Variants in SART3 observed in about 807,000 individuals in gnomAD.
The protein encoded by SART3 is HIV-1 Tat-interacting protein of 110kDa.
Under a neutral mutation model 122.3 loss-of-function variants are expected in SART3, and 44 were observed. The ratio of observed to expected loss-of-function variants is 0.36; its 90% confidence interval spans 0.28 to 0.46. The LOEUF is 0.46. SART3 is among the 20% of genes least tolerant of loss of function. The probability of loss-of-function intolerance (pLI) is 1.00; values close to 1 mark genes in which losing one functional copy is unlikely to be tolerated. For synonymous variants in SART3, 442 were observed against 454.0 expected, an observed-to-expected ratio of 0.97 and a Z score of 0.34; for missense variants, 1,101 against 1,229.0, an observed-to-expected ratio of 0.90 and a Z score of 1.56.
In SART3 at chr12:108,531,284, G is replaced by C. The variant is rs761518315; in HGVS notation, c.1670-4C>G. On this transcript the variant is annotated splice_region_variant and splice_polypyrimidine_tract_variant and intron_variant, in intron 13 of 18. Coordinates refer to ENST00000546815, the MANE Select transcript of SART3 (RefSeq NM_014706.4). ...ATATCCCAATCTTCTAAAGAACCTT[G>C]AAAGAAAGAGAAGCAAAACTTTCAC... The C allele has an allele frequency of 4.3e-6, 7 of 1,611,668 alleles. No homozygotes were observed. In the South Asian group the frequency reaches 4.4e-5, roughly 10 times the overall value.
chr12:108,536,216 C>T (rs1194984860), intron 11 of SART3, among the ~76,000 whole-genome samples: 2 of 152,250 alleles, frequency 1.3e-5, no homozygotes, highest in Non-Finnish European at 2.9e-5. Context: ...ACTGTGCTCT[C>T]ACAAATGAAG....
intron 7 of SART3, 60 bp from the exon 8 acceptor site, chr12:108,538,263 A>G: frequency 6.3e-7 from 1 of 1,587,190 alleles, no homozygotes; most frequent in Admixed American, 1.7e-5. Flanking sequence ...ACCATCAACA[A>G]GACATTGCCA....
chr12:108,558,557 C>A (rs1283263406), intron 1 of SART3, among the ~76,000 whole-genome samples: 1 of 152,206 alleles, frequency 6.6e-6, no homozygotes, highest in Non-Finnish European at 1.5e-5. Context: ...TCACCAAGGA[C>A]TTAACCTCTC....
intron 12 of SART3, among the ~76,000 whole-genome samples, chr12:108,534,646 G>T (rs1872827947): frequency 6.6e-6 from 1 of 152,186 alleles, no homozygotes; most frequent in Non-Finnish European, 1.5e-5. Flanking sequence ...CTGCACTTCA[G>T]CCTGGGCAAC....
chr12:108,536,974 C>A (rs2136674767), intron 9 of SART3, 189 bp from the exon 10 acceptor site: 2 of 622,430 alleles, frequency 3.2e-6, no homozygotes, highest in East Asian at 5.8e-5. Flanking sequence ...CAGAATAGAG[C>A]ATGGACAGCG....
chr12:108,535,228 T>C, intron 12 of SART3, 131 bp downstream of exon 12: 1 of 766,598 alleles, frequency 1.3e-6, no homozygotes. Flanking sequence ...TACCCACTAC[T>C]GAAAGAGACA....
intron 6 of SART3, among the ~76,000 whole-genome samples, chr12:108,542,588 C>T (rs1873217575): frequency 1.3e-5 from 2 of 152,076 alleles, no homozygotes; most frequent in South Asian, 2.1e-4. Flanking sequence ...TTATACTTAG[C>T]AACATGAGTA....
At chr12:108,556,512 A>G (rs2030226779) in intron 1 of SART3, among the ~76,000 whole-genome samples, 1 of 152,242 alleles carries the variant, frequency 6.6e-6, no homozygotes, top group Non-Finnish European at 1.5e-5. Flanking sequence ...TAAGACTTTT[A>G]GCAATGTTCT....
chr12:108,524,328 T>C lies in SART3; in HGVS notation c.2702A>G (p.Gln901Arg), dbSNP rs779016952. 4.2e-5 allele frequency: 67 copies of C among 1,613,996 alleles called. 1 individual carries two copies. Among genetic ancestry groups the C allele is most frequent in the Non-Finnish European group, 5.5e-5 (65 of 1,179,968 alleles). The change falls in exon 18 of 19, where the codon CAG (glutamine) becomes CGG (arginine). Residue 901 changes from glutamine (Q) to arginine (R), a missense_variant. This residue lies in a region of SART3 where 885 missense variants were observed against 1,080.1 expected (regional missense o/e 0.82). Coordinates refer to ENST00000546815, the MANE Select transcript of SART3 (RefSeq NM_014706.4). ...KAPGGPMLLP[Q>R]TYGARGKGRT... ...TGCAAGCACTTACGCTCCGTATGTC[T>C]GCGGCAAAAGCATGGGGCCACCTGG...
intron 14 of SART3, among the ~76,000 whole-genome samples, chr12:108,530,818 A>G (rs1473663034): frequency 1.3e-5 from 2 of 152,032 alleles, no homozygotes; most frequent in African/African-American, 2.4e-5. Context: ...AGATCATGCC[A>G]CTGCACTCCA....
Position 108,561,042 on chromosome 12 carries a change from A to G in SART3, c.113T>C (p.Val38Ala). 6.2e-7 allele frequency: 1 copy of G among 1,613,932 alleles called. No homozygotes were observed. Among genetic ancestry groups the G allele is most frequent in the Non-Finnish European group, 8.5e-7 (1 of 1,179,962 alleles). Residue 38 changes from valine to alanine, a missense_variant, in exon 1 of 19, where the codon GTG (valine) becomes GCG (alanine). Coordinates refer to ENST00000546815, the MANE Select transcript of SART3 (RefSeq NM_014706.4). ...EVKAARTRRK[V>A]LSRAVAAATY... Reference sequence around the variant, plus strand: ...CGCAGCGGCCACAGCCCGCGATAACACCTTCCTCCTTGTCCTAGCCGCCTT... The same window carrying G: ...CGCAGCGGCCACAGCCCGCGATAACGCCTTCCTCCTTGTCCTAGCCGCCTT...
intron 4 of SART3, 195 bp from the exon 5 acceptor site, chr12:108,544,673 C>G: frequency 1.4e-6 from 1 of 735,864 alleles, no homozygotes; most frequent in Middle Eastern, 2.8e-4. Flanking sequence ...TCATGCAATC[C>G]TCCCACCTCA....
At chr12:108,530,977 C>T (rs12316961) in intron 14 of SART3, among the ~76,000 whole-genome samples, 3,776 of 152,252 alleles carry the variant, frequency 0.025, 165 homozygotes, top group African/African-American at 0.085. Context: ...AATTTTAGAG[C>T]CAAAATTCCC....
intron 6 of SART3, among the ~76,000 whole-genome samples, chr12:108,541,998 CTT>C (rs55746158): frequency 1.5e-5 from 1 of 68,062 alleles, no homozygotes; most frequent in Non-Finnish European, 2.8e-5. Flanking sequence ...CCAAGCCCGG[CTT>C]TTTTTTTTTT....
chr12:108,558,406 C>A (rs757803962), intron 1 of SART3, among the ~76,000 whole-genome samples: 7 of 152,226 alleles, frequency 4.6e-5, no homozygotes, highest in Non-Finnish European at 7.3e-5. Flanking sequence ...CAGTTCATCA[C>A]TTGCCAGGTC....
At chr12:108,553,756 CCATT>C (rs2030103103) in intron 1 of SART3, among the ~76,000 whole-genome samples, 2 of 152,204 alleles carry the variant, frequency 1.3e-5, no homozygotes, top group South Asian at 4.1e-4. Context: ...CAAGGACCAA[CCATT>C]CAGAGAATAC....
chr12:108,547,507 C>T (rs1235828528), intron 3 of SART3, among the ~76,000 whole-genome samples: 2 of 152,102 alleles, frequency 1.3e-5, no homozygotes, highest in Non-Finnish European at 1.5e-5. Flanking sequence ...CTTCCTATGA[C>T]TCTATAATTA....
At chr12:108,546,129 A>G (rs1247893022) in intron 3 of SART3, among the ~76,000 whole-genome samples, 3 of 152,202 alleles carry the variant, frequency 2.0e-5, no homozygotes, top group African/African-American at 7.2e-5. Flanking sequence ...TCTGGTTAGT[A>G]GCAATGCTTC....
chr12:108,528,634 A>G (rs1389877947), intron 15 of SART3, among the ~76,000 whole-genome samples: 2 of 152,166 alleles, frequency 1.3e-5, no homozygotes, highest in Non-Finnish European at 2.9e-5. Flanking sequence ...TAGATCTGGA[A>G]GCCTGAGTGA....
Sources: gnomAD v4.1 joint callset for allele counts (sites outside exome capture counted in the v4.1 genomes callset) on GRCh38, gnomAD v4.1.1 for gene constraint, gnomAD v4.1.1 regional missense constraint, MANE v1.5 for transcripts, NCBI Gene and HGNC (gene_info 2026-07-23, HGNC 2026-07-21) for gene names.